The following MTIF2 variants were observed in gnomAD, a reference collection of about 807,000 sequenced individuals.
MTIF2 encodes the protein translation initiation factor IF-2, mitochondrial.
Under a neutral mutation model 83.5 loss-of-function variants are expected in MTIF2, and 71 were observed. The ratio of observed to expected loss-of-function variants is 0.85; its 90% CI spans 0.70 to 1.04. The LOEUF (loss-of-function observed/expected upper bound fraction) is 1.04. MTIF2 is among the 50% of genes least tolerant of loss of function. The pLI is 0.00. For missense variants in MTIF2, 957 were observed against 846.5 expected (o/e 1.13, Z -1.62); for synonymous variants, 319 against 287.1 (o/e 1.11, Z -1.12).
At chr2:55,255,899 A>C (rs963546493) in intron 5 of MTIF2, among the ~76,000 whole-genome samples, 10 of 151,642 alleles carry the variant, frequency 6.6e-5, no homozygotes, top group Non-Finnish European at 1.5e-4. Context: ...TTTTTGGGAC[A>C]GAGTTTCGCT....
chr2:55,262,231 CT>C, intron 5 of MTIF2, 84 bp downstream of exon 5: 1 of 905,600 alleles, frequency 1.1e-6, no homozygotes, highest in South Asian at 1.4e-5. Context: ...AGTTTTTAAT[CT>C]TTCAATGCCT....
chr2:55,243,724 T>C (rs1676492537), intron 11 of MTIF2, 56 bp from the exon 12 acceptor site: 26 of 1,561,328 alleles, frequency 1.7e-5, no homozygotes, highest in Non-Finnish European at 2.2e-5. Context: ...ACTGCTAGAT[T>C]AAAGCCTTTG....
At chr2:55,246,308 T>A in intron 10 of MTIF2, 29 bp downstream of exon 10, 1 of 1,566,546 alleles carries the variant, frequency 6.4e-7, no homozygotes, top group Non-Finnish European at 8.7e-7. Context: ...CAGAACAAAT[T>A]AAAAAGGCAA....
intron 9 of MTIF2, among the ~76,000 whole-genome samples, chr2:55,247,726 A>G (rs990460876): frequency 1.3e-5 from 2 of 152,098 alleles, no homozygotes; most frequent in East Asian, 1.9e-4. Context: ...AATCCTTTAT[A>G]TATCTTGGAA....
At chr2:55,253,507 C>T (rs921773908) in intron 7 of MTIF2, among the ~76,000 whole-genome samples, 6 of 151,536 alleles carry the variant, frequency 4.0e-5, no homozygotes, top group Admixed American at 2.6e-4. Flanking sequence ...GGCAAAACCC[C>T]GTCTCTACTA....
intron 1 of MTIF2, 148 bp from the exon 2 acceptor site, chr2:55,268,887 G>A (rs1322698120): frequency 2.6e-5 from 4 of 152,156 alleles, no homozygotes; most frequent in Non-Finnish European, 4.4e-5. Context: ...TTGGAGCCCA[G>A]AAGGCCTTGG....
rs566641605 is a variant in MTIF2 at position 55,238,225 on chromosome 2, G to A, written c.1871-797C>T. 1.2e-4 allele frequency among the ~76,000 whole-genome samples: 18 copies of A among 151,722 alleles called. No homozygotes were observed. The South Asian group carries it at 3.8e-3, about 32-fold the overall frequency. On this transcript the variant is annotated intron_variant, in intron 14 of 15. Transcript: ENST00000263629. ...TTTTATTTTTATCTTTCTTGTTGTG[G>A]AGGCTGGTCTTGAATTCGTGGCCTC...
At chr2:55,246,619 G>A (rs1037981484) in intron 9 of MTIF2, among the ~76,000 whole-genome samples, 158 bp from the exon 10 acceptor site, 6 of 152,148 alleles carry the variant, frequency 3.9e-5, no homozygotes, top group African/African-American at 1.4e-4. Context: ...GAAAGGGAGG[G>A]AGGGGAAACA....
chr2:55,267,008 G>A (rs1678485166), intron 3 of MTIF2, among the ~76,000 whole-genome samples: 1 of 152,070 alleles, frequency 6.6e-6, no homozygotes, highest in African/African-American at 2.4e-5. Context: ...GACCTCAGGT[G>A]ATCCACCTGT....
In MTIF2 at chr2:55,263,662, T is replaced by C. The variant is rs139953700; in HGVS notation, c.197A>G (p.Tyr66Cys). 45 of 1,613,028 alleles carry C rather than the reference T, an allele frequency of 2.8e-5. No homozygotes were observed. Among genetic ancestry groups the C allele is most frequent in the Non-Finnish European group, 3.6e-5 (42 of 1,179,622 alleles). Residue 66 changes from tyrosine (Y) to cysteine (C), a missense_variant, in exon 4 of 16, where the codon TAT becomes TGT. Tyr to Cys is a radical substitution (Grantham distance 194). Transcript: ENST00000263629. ...DVLTGAALSQYRLLVTKKEEG... is the reference protein window; with the variant it reads ...DVLTGAALSQCRLLVTKKEEG... ...TACCTTTTTTGTTACTAGAAGCCTA[T>C]ACTGAGATAAAGCAGCCCCAGTGAG... is the stretch of plus-strand genomic sequence containing the variant.
intron 14 of MTIF2, among the ~76,000 whole-genome samples, chr2:55,239,393 C>CA (rs1553367153): frequency 3.3e-5 from 5 of 151,922 alleles, no homozygotes; most frequent in Non-Finnish European, 7.4e-5. Flanking sequence ...GCAAATAGGA[C>CA]AAAATGTAAA....
rs144332359 is a variant in MTIF2 at position 55,252,416 on chromosome 2, T to C, written c.841+61A>G. 61 of 1,450,632 alleles carry C rather than the reference T, an allele frequency of 4.2e-5. No individual in the cohort carries two copies. In the African/African-American group the frequency reaches 6.4e-4, roughly 15 times the overall value. The allele number at this position is 1,450,632 out of a possible 1,614,324, so 89.9% of individuals were successfully genotyped here. On this transcript the variant is annotated intron_variant, in intron 8 of 15. Coordinates refer to ENST00000263629, the MANE Select transcript of MTIF2 (RefSeq NM_002453.3). Reference sequence around the variant, plus strand: ...TGTTGTGAAGACTAAATGAGCTATATGTAAATGGCCCCAGAACTTTGACTT... The same window carrying C: ...TGTTGTGAAGACTAAATGAGCTATACGTAAATGGCCCCAGAACTTTGACTT...
At chr2:55,236,929 T>G in intron 15 of MTIF2, 109 bp from the exon 16 acceptor site, 1 of 956,402 alleles carries the variant, frequency 1.0e-6, no homozygotes, top group Admixed American at 3.7e-5. Context: ...CTTAAAAATT[T>G]TATGGTCTTG....
At chr2:55,240,405 A>AC (rs1397379184) in intron 13 of MTIF2, among the ~76,000 whole-genome samples, 1 of 152,096 alleles carries the variant, frequency 6.6e-6, no homozygotes, top group Non-Finnish European at 1.5e-5. Flanking sequence ...ACATGGTGAA[A>AC]CCCTGTCTCT....
At chr2:55,262,250 G>A (rs1055746469) in intron 5 of MTIF2, 66 bp downstream of exon 5, 26 of 1,074,188 alleles carry the variant, frequency 2.4e-5, no homozygotes, top group Middle Eastern at 2.0e-4. Context: ...CCTTAATCTC[G>A]TTGCAAATAA....
Position 55,252,473 on chromosome 2 carries a change from G to C in MTIF2, c.841+4C>G. Reference sequence around the variant, plus strand: ...GTAGATCCATTAAGTCAGCCACACAGTACCCTGTGCATCTTTGGCATGCTG... The same window carrying C: ...GTAGATCCATTAAGTCAGCCACACACTACCCTGTGCATCTTTGGCATGCTG... On this transcript the variant is annotated splice_donor_region_variant and intron_variant, in intron 8 of 15. Transcript: ENST00000263629. 3 of 1,613,604 alleles carry C rather than the reference G, an allele frequency of 1.9e-6. No individual in the cohort carries two copies. Among genetic ancestry groups the C allele is most frequent in the Non-Finnish European group, 1.7e-6 (2 of 1,179,658 alleles).
intron 14 of MTIF2, 108 bp downstream of exon 14, chr2:55,239,903 G>C (rs1047031813): frequency 5.1e-6 from 5 of 971,600 alleles, no homozygotes; most frequent in African/African-American, 3.3e-5. Context: ...CTAGAACACA[G>C]GATATATCTT....
intron 8 of MTIF2, among the ~76,000 whole-genome samples, chr2:55,251,869 A>G (rs1007038437): frequency 2.0e-5 from 3 of 152,278 alleles, no homozygotes; most frequent in African/African-American, 7.2e-5. Flanking sequence ...CAGGTGATCC[A>G]CCGGCCTCGG....
Position 55,254,645 on chromosome 2 carries a change from A to C in MTIF2, c.503+9T>G, listed in dbSNP as rs771982841. On this transcript the variant is annotated intron_variant, in intron 6 of 15. Coordinates refer to ENST00000263629, the MANE Select transcript of MTIF2 (RefSeq NM_002453.3). ...CCAAACCCTGCCAGTATATACAGTT[A>C]AGTTTTACCTTCTTACAGCATCTTT... 7 of 1,587,586 alleles carry C rather than the reference A, an allele frequency of 4.4e-6. No homozygotes were observed. The highest frequency in any genetic ancestry group is 6.0e-6 in the Non-Finnish European group (7 of 1,167,386).
Sources: gnomAD v4.1 joint callset for allele counts (sites outside exome capture counted in the v4.1 genomes callset) on GRCh38, gnomAD v4.1.1 for gene constraint, MANE v1.5 for transcripts, NCBI Gene and HGNC (gene_info 2026-07-23, HGNC 2026-07-21) for gene names.